The following ANKHD1 variants were observed in gnomAD, a reference collection of about 807,000 sequenced individuals.
The protein encoded by ANKHD1 is ankyrin repeat and KH domain-containing protein 1.
ANKHD1 carries 31 observed loss-of-function variants against 230.5 expected under a neutral mutation model. That is an observed-to-expected ratio of 0.13 (90% CI 0.10 to 0.18). The LOEUF is 0.18. Among genes scored for constraint, ANKHD1 ranks in the 10% least tolerant of loss-of-function variants. The pLI, the probability that ANKHD1 is intolerant of heterozygous loss-of-function variation, is 1.00. For synonymous variants in ANKHD1, 1,074 were observed against 1,117.6 expected (o/e 0.96, Z 0.78); for missense variants, 2,256 against 3,071.3 (o/e 0.73, Z 6.27).
chr5:140,524,670 T>C (rs747839568), intron 25 of ANKHD1, among the ~76,000 whole-genome samples: 2 of 152,222 alleles, frequency 1.3e-5, no homozygotes, highest in Non-Finnish European at 2.9e-5. Flanking sequence ...CAAAGAGTTA[T>C]TTATTGTACT....
At chr5:140,489,484 TA>T (rs907167105) in intron 14 of ANKHD1, among the ~76,000 whole-genome samples, 3 of 148,066 alleles carry the variant, frequency 2.0e-5, no homozygotes, top group Admixed American at 1.3e-4. Context: ...CCTCAAAATA[TA>T]AATAAATAAA....
rs1453904069 is a variant in ANKHD1, at chr5:140,538,376, A to T, written c.7404+115A>T. ...CCTTTTGTTTCTGTGGCTTTGCTAG[A>T]TCTTTTGCTTAATTTCAGGAGTGCA... On this transcript the variant is annotated intron_variant, in intron 32 of 33. Coordinates refer to ENST00000360839, the MANE Select transcript of ANKHD1 (RefSeq NM_017747.3). 1.1e-5 allele frequency: 16 copies of T among 1,499,184 alleles called. No homozygotes were observed. In the East Asian group the frequency reaches 3.0e-4, roughly 28 times the overall value. The allele number at this position is 1,499,184 out of a possible 1,614,324, so 92.9% of individuals were successfully genotyped here.
chr5:140,502,413 A>C (rs969165330), intron 15 of ANKHD1, among the ~76,000 whole-genome samples: 5 of 152,228 alleles, frequency 3.3e-5, no homozygotes. Flanking sequence ...AAAGCTGTTA[A>C]ATGCACAAAA....
chr5:140,483,863 A>G (rs71581541), intron 11 of ANKHD1, among the ~76,000 whole-genome samples: 4,686 of 152,252 alleles, frequency 0.031, 141 homozygotes, highest in Middle Eastern at 0.13. Context: ...ATCTTTACAT[A>G]ATATAGTCTG....
intron 1 of ANKHD1, among the ~76,000 whole-genome samples, chr5:140,405,820 A>G (rs560884981): frequency 4.6e-5 from 7 of 152,226 alleles, no homozygotes; most frequent in East Asian, 1.9e-4. Flanking sequence ...TTTGGTAGAG[A>G]CAGCGTTTTG....
rs748496150 is a variant in ANKHD1 at position 140,528,561 on chromosome 5, T to C, written c.5615T>C (p.Leu1872Ser). The change falls in exon 29 of 34, where the codon TTA (leucine) becomes TCA (serine). Residue 1872 changes from leucine to serine, a missense_variant. Transcript: ENST00000360839. Reference protein sequence around the residue: ...QTMQQIRHPRLPMAQFGGTFS... With the variant: ...QTMQQIRHPRSPMAQFGGTFS... ...ATGCAACAGATTCGGCATCCTCGCTTACCCATGGCCCAGTTTGGAGGAACC... is the reference window on the plus strand; with the variant it reads ...ATGCAACAGATTCGGCATCCTCGCTCACCCATGGCCCAGTTTGGAGGAACC... 6.2e-7 allele frequency: 1 copy of C among 1,614,100 alleles called. No homozygotes were observed. Among genetic ancestry groups the C allele is most frequent in the Non-Finnish European group, 8.5e-7 (1 of 1,180,056 alleles).
At chr5:140,518,093 T>C (rs1171504302) in intron 24 of ANKHD1, among the ~76,000 whole-genome samples, 2 of 152,252 alleles carry the variant, frequency 1.3e-5, no homozygotes, top group Non-Finnish European at 2.9e-5. Flanking sequence ...CAATAAAAAA[T>C]GATAAAGGGG....
At chr5:140,473,174 G>A (rs557335341) in intron 10 of ANKHD1, among the ~76,000 whole-genome samples, 66 of 151,724 alleles carry the variant, frequency 4.4e-4, no homozygotes, top group African/African-American at 4.3e-4. Context: ...GATTACAGGC[G>A]CGTGCCACCG....
rs767440151 is a variant in ANKHD1 at position 140,526,349 on chromosome 5, T to G, written c.4846T>G (p.Phe1616Val). The G allele has an allele frequency of 6.2e-7, 1 of 1,614,114 alleles. No homozygotes were observed. Among genetic ancestry groups the G allele is most frequent in the South Asian group, 1.1e-5 (1 of 91,080 alleles). The stretch of plus-strand genomic sequence containing the variant: ...TGGTGGTAAAAGCCAAGAGTTAAAT[T>G]TTGTGATGGATGTGAATTCCTCTAA... ...SSGGKSQELN[F>V]VMDVNSSKYP... is the part of the protein sequence containing the mutation. Residue 1616 changes from phenylalanine to valine, a missense_variant, in exon 26 of 34, where the codon TTT (phenylalanine) becomes GTT (valine). By Grantham distance (50) the Phe-to-Val change is conservative (BLOSUM62 -1). Coordinates refer to ENST00000360839, the MANE Select transcript of ANKHD1 (RefSeq NM_017747.3).
intron 14 of ANKHD1, among the ~76,000 whole-genome samples, chr5:140,492,937 A>G (rs1402634290): frequency 6.6e-6 from 1 of 152,230 alleles, no homozygotes; most frequent in Non-Finnish European, 1.5e-5. Context: ...AATAAAGGCC[A>G]TGTTTAAGCT....
intron 10 of ANKHD1, among the ~76,000 whole-genome samples, chr5:140,476,075 AC>A (rs2127004134): frequency 6.6e-6 from 1 of 152,294 alleles, no homozygotes; most frequent in South Asian, 2.1e-4. Flanking sequence ...ATAAAATAAA[AC>A]TAAAAGTTTT....
intron 1 of ANKHD1, among the ~76,000 whole-genome samples, chr5:140,406,561 A>AT (rs1401314294): frequency 0.041 from 5,765 of 140,984 alleles, 317 homozygotes; most frequent in African/African-American, 0.12. Context: ...CTTTCAGTAC[A>AT]TTTTTTTTTT....
chr5:140,523,896 A>G (rs1300113847), intron 24 of ANKHD1, among the ~76,000 whole-genome samples, 170 bp from the exon 25 acceptor site: 2 of 152,148 alleles, frequency 1.3e-5, no homozygotes, highest in Non-Finnish European at 2.9e-5. Flanking sequence ...TTTGAAGTAT[A>G]AAAGTTTTTA....
rs756495141 is a variant in ANKHD1, at chr5:140,510,127, T to C, written c.4050T>C (p.Asp1350=). 6.2e-7 allele frequency: 1 copy of C among 1,613,900 alleles called. No individual in the cohort carries two copies. The highest frequency in any genetic ancestry group is 2.2e-5 in the East Asian group (1 of 44,872). ...AGTTGCTAGTGCAAGCAGGTGCTGA[T>C]GTGGATGCAGCAGATAACCGGAAAA... ...VVQLLVQAGA[D]VDAADNRKIT... Residue 1350 remains aspartate (D), a synonymous_variant, in exon 22 of 34, where the codon GAT becomes GAC. Transcript: ENST00000360839.
At chr5:140,517,993 G>A (rs1283859833) in intron 24 of ANKHD1, among the ~76,000 whole-genome samples, 2 of 152,088 alleles carry the variant, frequency 1.3e-5, no homozygotes, top group African/African-American at 2.4e-5. Context: ...AAAAATTAAC[G>A]AATCCAGGAG....
At chr5:140,432,226 G>A (rs1773101931) in intron 1 of ANKHD1, among the ~76,000 whole-genome samples, 1 of 152,130 alleles carries the variant, frequency 6.6e-6, no homozygotes, top group Admixed American at 6.5e-5. Context: ...AGAAACTTCA[G>A]ACTCACTTAC....
In ANKHD1 at chr5:140,436,132, A is replaced by G. The variant is rs753980454; in HGVS notation, c.335A>G (p.Asp112Gly). ...EVESFILDQEDLDNPVLKTTS... is the reference protein window; with the variant it reads ...EVESFILDQEGLDNPVLKTTS... ...GAATCATTTATTTTGGACCAAGAAG[A>G]TCTGGATAACCCAGTGCTTAAAACA... The change falls in exon 2 of 34, where the codon GAT (aspartate) becomes GGT (glycine). Residue 112 changes from aspartate (D) to glycine (G), a missense_variant. Physicochemically the swap from Asp to Gly is moderately conservative, Grantham distance 94. Coordinates refer to ENST00000360839, the MANE Select transcript of ANKHD1 (RefSeq NM_017747.3). The G allele has an allele frequency of 6.3e-7, 1 of 1,582,950 alleles. No individual in the cohort carries two copies. Among genetic ancestry groups the G allele is most frequent in the Non-Finnish European group, 8.6e-7 (1 of 1,166,636 alleles).
chr5:140,437,090 A>G (rs1405201615), intron 2 of ANKHD1, among the ~76,000 whole-genome samples: 1 of 152,224 alleles, frequency 6.6e-6, no homozygotes. Flanking sequence ...ATGTTTGAAC[A>G]TACATGATTG....
At chr5:140,491,200 G>A (rs1218269329) in intron 14 of ANKHD1, among the ~76,000 whole-genome samples, 1 of 82,216 alleles carries the variant, frequency 1.2e-5, no homozygotes, top group Non-Finnish European at 2.2e-5. Flanking sequence ...GTCTCACTTT[G>A]TCACCCAGGC....
Sources: allele counts gnomAD v4.1 joint callset (sites outside exome capture counted in the v4.1 genomes callset), GRCh38; gene constraint gnomAD v4.1.1; transcripts MANE v1.5; gene names NCBI Gene and HGNC (gene_info 2026-07-23, HGNC 2026-07-21).